DLG5: variants seen among roughly 807,000 people sequenced by gnomAD.
The protein encoded by DLG5 is discs large MAGUK scaffold protein 5, also known as disks large homolog 5.
DLG5 carries 48 observed loss-of-function variants against 189.8 expected under a neutral mutation model. The ratio of observed to expected loss-of-function variants is 0.25; its 90% CI spans 0.20 to 0.32. The LOEUF (loss-of-function observed/expected upper bound fraction) is 0.32. DLG5 is among the 10% of genes least tolerant of loss of function. The pLI is 1.00. For synonymous variants in DLG5, 1,016 were observed against 1,054.1 expected (o/e 0.96, Z 0.70); for missense variants, 2,160 against 2,544.7 (o/e 0.85, Z 3.25).
rs370432722 is a variant in DLG5 at position 77,843,630 on chromosome 10, T to C, written c.941A>G (p.Lys314Arg). 1.9e-5 allele frequency: 31 copies of C among 1,613,586 alleles called. No homozygotes were observed. Among genetic ancestry groups the C allele is most frequent in the African/African-American group, 2.7e-5 (2 of 74,802 alleles). Residue 314 changes from lysine (K) to arginine (R), a missense_variant, in exon 6 of 32, where the codon AAG becomes AGG. Around this residue, in one of 5 missense-constraint regions of DLG5, gnomAD observed 664 missense variants for 838.5 expected, o/e 0.79. Transcript: ENST00000372391. ...DTAMDKLEVV[K>R]KDYDALRKRY... ...CTTCCGAAGGGCGTCATAGTCCTTC[T>C]TGACCACCTCCAACTTGTCCATGGC...
chr10:77,922,132 T>C (rs1846552969), intron 1 of DLG5, among the ~76,000 whole-genome samples: 1 of 152,146 alleles, frequency 6.6e-6, no homozygotes, highest in Non-Finnish European at 1.5e-5. Flanking sequence ...GGACTAGAAT[T>C]ACATCCTGTG....
intron 1 of DLG5, among the ~76,000 whole-genome samples, chr10:77,892,137 C>T (rs1290012780): frequency 1.3e-5 from 2 of 152,182 alleles, no homozygotes; most frequent in Non-Finnish European, 2.9e-5. Context: ...GATGCCCCAG[C>T]TTCCCGGGAT....
At chr10:77,867,004 C>A (rs750562837) in intron 2 of DLG5, 1 of 457,302 alleles carries the variant, frequency 2.2e-6, no homozygotes, top group South Asian at 1.5e-5. Context: ...ACCCATCCTG[C>A]TCCAAGAAAC....
intron 1 of DLG5, among the ~76,000 whole-genome samples, chr10:77,882,855 A>G (rs1009034560): frequency 6.6e-6 from 1 of 151,058 alleles, no homozygotes; most frequent in African/African-American, 2.4e-5. Context: ...CAGAGGTTGC[A>G]GTGGGCCGAG....
intron 1 of DLG5, among the ~76,000 whole-genome samples, chr10:77,903,289 G>A (rs920029411): frequency 8.5e-5 from 13 of 152,050 alleles, no homozygotes; most frequent in African/African-American, 2.9e-4. Context: ...TTAGCCGGGC[G>A]TGGTGGCACG....
intron 1 of DLG5, among the ~76,000 whole-genome samples, chr10:77,889,195 C>A (rs1272735255): frequency 2.7e-5 from 4 of 150,446 alleles, no homozygotes; most frequent in Non-Finnish European, 5.9e-5. Context: ...GCCTCACAAG[C>A]CCACAGGTAA....
chr10:77,859,789 T>A (rs1844400581), intron 2 of DLG5, among the ~76,000 whole-genome samples: 1 of 152,236 alleles, frequency 6.6e-6, no homozygotes. Context: ...ATTTCTCTGC[T>A]CCAGGCCGCA....
intron 5 of DLG5, among the ~76,000 whole-genome samples, chr10:77,848,019 T>C (rs1248679): frequency 0.74 from 112,693 of 152,120 alleles, 42,671 homozygotes; most frequent in African/African-American, 0.9. Flanking sequence ...GAGTCAACTT[T>C]TCCACTCAGG....
chr10:77,921,712 C>T (rs60782268), intron 1 of DLG5, among the ~76,000 whole-genome samples: 1 of 152,228 alleles, frequency 6.6e-6, no homozygotes, highest in Non-Finnish European at 1.5e-5. Flanking sequence ...AACACCAAGT[C>T]CCAGCACATT....
intron 2 of DLG5, chr10:77,868,057 G>A (rs181716227): frequency 2.2e-6 from 1 of 456,698 alleles, no homozygotes; most frequent in Admixed American, 2.3e-5. Context: ...AGAGGCCCGG[G>A]ACAGATCTCT....
At position 77,792,267 on chromosome 10, in the gene DLG5, C is replaced by T. The variant is rs1341232768; in HGVS notation, c.*173G>A. ...AGAGTGTGTGGGCCTGGGCCTGGAT[C>T]GCACGCAGCCGTGGCCCTCTGTCTA... On this transcript the variant is annotated 3_prime_UTR_variant, in exon 32 of 32. Transcript: ENST00000372391. The T allele has an allele frequency of 9.3e-6, 6 of 646,730 alleles. No individual in the cohort carries two copies. Among genetic ancestry groups the T allele is most frequent in the East Asian group, 2.7e-5 (1 of 37,220 alleles). 40.1% of individuals were successfully genotyped at this position (646,730 alleles called of 1,614,324 possible). A position where few individuals can be genotyped will look rare whatever the true frequency, so the allele number is the denominator to read the frequency against.
At chr10:77,823,138 T>C (rs1842450753) in intron 14 of DLG5, among the ~76,000 whole-genome samples, 1 of 152,110 alleles carries the variant, frequency 6.6e-6, no homozygotes, top group African/African-American at 2.4e-5. Flanking sequence ...AATGCCAAAA[T>C]TGGGGAAACT....
chr10:77,820,946 G>A (rs3758462), intron 15 of DLG5, 136 bp downstream of exon 15: 40,447 of 1,218,710 alleles, frequency 0.033, 1,575 homozygotes, highest in East Asian at 0.22. Context: ...CTTCCCACTT[G>A]AGTCCAACAG....
At position 77,821,796 on chromosome 10, in the gene DLG5, G is replaced by A; in HGVS notation, c.2688C>T (p.Arg896=). 1 of 1,612,056 alleles carries A rather than the reference G, an allele frequency of 6.2e-7. No individual in the cohort carries two copies. Among genetic ancestry groups the A allele is most frequent in the Non-Finnish European group, 8.5e-7 (1 of 1,179,200 alleles). ...AGCCACGGTCCCCAGAGGCATCTGA[G>A]CGGAAGGAGCTCAGGCTACGCTCAG... The part of the protein sequence containing the change: ...SASERSLSSF[R]SDASGDRGFG... Residue 896 remains arginine (R), a synonymous_variant, in exon 15 of 32, where the codon CGC becomes CGT. Transcript: ENST00000372391.
At chr10:77,854,497 T>G (rs2154576697) in intron 3 of DLG5, 127 bp from the exon 4 acceptor site, 1 of 1,239,518 alleles carries the variant, frequency 8.1e-7, no homozygotes, top group South Asian at 1.5e-5. Context: ...CACACACACC[T>G]GGGTGTTTGT....
intron 3 of DLG5, 51 bp from the exon 4 acceptor site, chr10:77,854,421 G>T: frequency 6.2e-7 from 1 of 1,605,184 alleles, no homozygotes. Context: ...GGATTCACAC[G>T]GATAGAGGAA....
In DLG5 at chr10:77,792,198, T is replaced by G; in HGVS notation, c.*242A>C. 3.6e-6 allele frequency: 2 copies of G among 550,502 alleles called. No individual in the cohort carries two copies. The highest frequency in any genetic ancestry group is 6.5e-6 in the Non-Finnish European group (2 of 308,706). 34.1% of individuals were successfully genotyped at this position (550,502 alleles called of 1,614,324 possible). A position where few individuals can be genotyped will look rare whatever the true frequency, so the allele number is the denominator to read the frequency against. Reference sequence around the variant, plus strand: ...AGAAAGGTGGGTGCTGAACCCGTCTTTAGTGTTATCTGTTTTGTGTTAAAG... The same window carrying G: ...AGAAAGGTGGGTGCTGAACCCGTCTGTAGTGTTATCTGTTTTGTGTTAAAG... On this transcript the variant is annotated 3_prime_UTR_variant, in exon 32 of 32. Transcript: ENST00000372391.
chr10:77,791,951 C>A lies in DLG5; in HGVS notation c.*489G>T. ...AAGCTCTGGTCCCACCAACAAGAAC[C>A]TCCCAAAGCAAAGCAGCCCCCATTG... On this transcript the variant is annotated 3_prime_UTR_variant, in exon 32 of 32. Coordinates refer to ENST00000372391, the MANE Select transcript of DLG5 (RefSeq NM_004747.4). 1 of 159,968 alleles carries A rather than the reference C, an allele frequency of 6.3e-6. No individual in the cohort carries two copies. The highest frequency in any genetic ancestry group is 1.9e-4 in the South Asian group (1 of 5,258). 9.9% of individuals were successfully genotyped at this position (159,968 alleles called of 1,614,324 possible).
At chr10:77,900,566 A>G (rs1240674420) in intron 1 of DLG5, among the ~76,000 whole-genome samples, 1 of 151,846 alleles carries the variant, frequency 6.6e-6, no homozygotes, top group Admixed American at 6.6e-5. Context: ...TTGGGAGGCC[A>G]AGGCGGGTGG....
Sources: allele counts gnomAD v4.1 joint callset (sites outside exome capture counted in the v4.1 genomes callset), GRCh38; gene constraint gnomAD v4.1.1; regional missense constraint gnomAD v4.1.1; transcripts MANE v1.5; gene names NCBI Gene and HGNC (gene_info 2026-07-23, HGNC 2026-07-21).